RGS6: variants seen among roughly 807,000 people sequenced by gnomAD.
RGS6 encodes the protein regulator of G protein signaling 6, also known as regulator of G-protein signaling 6.
In RGS6, 30 loss-of-function variants were observed where a neutral mutation model predicts 78.5. The observed-to-expected ratio is 0.38, with a 90% CI of 0.29 to 0.52. The LOEUF (loss-of-function observed/expected upper bound fraction) is 0.52. Ranked by LOEUF, RGS6 falls within the 20% of genes least tolerant of loss-of-function variation. The pLI, the probability that RGS6 is intolerant of heterozygous loss-of-function variation, is 0.85. For synonymous variants in RGS6, 206 were observed against 206.0 expected (o/e 1.00, Z 0.00); for missense variants, 495 against 609.7 (o/e 0.81, Z 1.98).
intron 2 of RGS6, among the ~76,000 whole-genome samples, chr14:72,299,960 AT>A (rs2065708437): frequency 6.6e-6 from 1 of 150,998 alleles, no homozygotes; most frequent in Non-Finnish European, 1.5e-5. Context: ...TGGTTTTATC[AT>A]TTTTCTCTTT....
intron 14 of RGS6, among the ~76,000 whole-genome samples, chr14:72,512,944 G>C (rs1399228867): frequency 6.6e-6 from 1 of 152,214 alleles, no homozygotes; most frequent in Non-Finnish European, 1.5e-5. Context: ...TGTGGCTCAT[G>C]CCATGGAGGC....
At chr14:71,915,569 C>T in the RGS6 span, among the ~76,000 whole-genome samples, 1 of 152,168 alleles carries the variant, frequency 6.6e-6, no homozygotes, top group South Asian at 2.1e-4. Flanking sequence ...GCCTAGTGTC[C>T]ACTCCACTTT....
chr14:72,440,656 G>A (rs1004385970), intron 3 of RGS6, among the ~76,000 whole-genome samples: 3 of 152,016 alleles, frequency 2.0e-5, no homozygotes, highest in Non-Finnish European at 4.4e-5. Flanking sequence ...CAGGTGATCT[G>A]CCTGCCTCGG....
intron 17 of RGS6, among the ~76,000 whole-genome samples, chr14:72,548,635 C>T (rs982822672): frequency 1.3e-5 from 2 of 152,034 alleles, no homozygotes; most frequent in African/African-American, 4.8e-5. Flanking sequence ...CATCTAGAGA[C>T]AATTGAGAGA....
chr14:72,013,932 G>A (rs947264208), intron 2 of RGS6, among the ~76,000 whole-genome samples: 2 of 152,188 alleles, frequency 1.3e-5, no homozygotes, highest in Non-Finnish European at 2.9e-5. Flanking sequence ...TGTGTGCTCA[G>A]TCCTTATTGC....
intron 12 of RGS6, among the ~76,000 whole-genome samples, chr14:72,486,910 C>T (rs770126250): frequency 6.6e-5 from 10 of 152,108 alleles, no homozygotes; most frequent in South Asian, 4.2e-4. Context: ...AAGAGGAGAT[C>T]GCCTTCCCTC....
chr14:72,531,294 G>A (rs1403753016), intron 15 of RGS6, among the ~76,000 whole-genome samples: 4 of 152,136 alleles, frequency 2.6e-5, no homozygotes, highest in African/African-American at 4.8e-5. Flanking sequence ...TCAGCTGGGT[G>A]TGGTGGTGCA....
At chr14:72,185,802 G>A (rs988734025) in intron 2 of RGS6, among the ~76,000 whole-genome samples, 1 of 152,206 alleles carries the variant, frequency 6.6e-6, no homozygotes, top group South Asian at 2.1e-4. Flanking sequence ...AAAGCCAGGT[G>A]TGGTAGTGTG....
chr14:71,928,885 T>C (rs1022290040), upstream of RGS6, among the ~76,000 whole-genome samples: 1 of 152,228 alleles, frequency 6.6e-6, no homozygotes, highest in African/African-American at 2.4e-5. Context: ...CAGTCATGAA[T>C]TGATTCTTAA....
chr14:72,455,692 A>G (rs1156535182), intron 4 of RGS6, among the ~76,000 whole-genome samples: 2 of 152,226 alleles, frequency 1.3e-5, no homozygotes, highest in East Asian at 1.9e-4. Flanking sequence ...GGAAAAAACT[A>G]TAAATGCTAA....
chr14:71,996,606 C>T (rs764315314), intron 2 of RGS6, among the ~76,000 whole-genome samples: 2 of 152,090 alleles, frequency 1.3e-5, no homozygotes, highest in African/African-American at 4.8e-5. Context: ...TAAAATTGGG[C>T]GTTTTCAGGA....
At chr14:72,349,248 T>C (rs960065135) in intron 2 of RGS6, among the ~76,000 whole-genome samples, 1 of 152,222 alleles carries the variant, frequency 6.6e-6, no homozygotes, top group African/African-American at 2.4e-5. Context: ...TTGGCTGATC[T>C]AGCAATGGGT....
intron 2 of RGS6, among the ~76,000 whole-genome samples, chr14:72,330,824 C>T (rs1004650351): frequency 6.6e-6 from 1 of 152,088 alleles, no homozygotes; most frequent in Non-Finnish European, 1.5e-5. Flanking sequence ...TTGACTGACA[C>T]CTGCAGAGAT....
In RGS6 at chr14:71,997,685, G is replaced by A. The variant is rs61994771; in HGVS notation, c.84+32810G>A. ...AATATCAACATTTCGGGGGTGGGAG[G>A]CACTGTGCTGAGTCAGAGGCCTGGG... On this transcript the variant is annotated intron_variant, in intron 2 of 17. Coordinates refer to ENST00000553525, the MANE Select transcript of RGS6 (RefSeq NM_001204424.2). Among the ~76,000 whole-genome samples the A allele has an allele frequency of 1.9e-3, 284 of 152,248 alleles. 1 individual carries two copies. Among genetic ancestry groups the A allele is most frequent in the Non-Finnish European group, 3.5e-3 (240 of 68,022 alleles).
At chr14:71,883,479 A>G in the RGS6 span, among the ~76,000 whole-genome samples, 1 of 152,362 alleles carries the variant, frequency 6.6e-6, no homozygotes, top group African/African-American at 2.4e-5. Flanking sequence ...GTCCTTAGAC[A>G]ACCCTCAGTG....
chr14:71,964,474 C>G (rs974907766), intron 1 of RGS6, among the ~76,000 whole-genome samples: 2 of 152,104 alleles, frequency 1.3e-5, no homozygotes, highest in Admixed American at 6.5e-5. Context: ...TCATTGCACT[C>G]TAGCCTGGGC....
At chr14:71,937,064 A>G (rs1300889677) in intron 1 of RGS6, among the ~76,000 whole-genome samples, 1 of 152,160 alleles carries the variant, frequency 6.6e-6, no homozygotes, top group Non-Finnish European at 1.5e-5. Context: ...GAGATGCCCT[A>G]ATGGATTTCC....
At chr14:72,502,957 T>C (rs550322442) in intron 13 of RGS6, among the ~76,000 whole-genome samples, 2 of 152,324 alleles carry the variant, frequency 1.3e-5, no homozygotes, top group East Asian at 3.9e-4. Flanking sequence ...TTCTAATAAC[T>C]TGTCTTAGTC....
At chr14:72,073,345 T>C (rs1370505316) in intron 2 of RGS6, among the ~76,000 whole-genome samples, 1 of 152,246 alleles carries the variant, frequency 6.6e-6, no homozygotes, top group Admixed American at 6.5e-5. Context: ...TCCTGCAGCA[T>C]ATTTTTGGTC....
Sources: allele counts gnomAD v4.1 joint callset (sites outside exome capture counted in the v4.1 genomes callset), GRCh38; gene constraint gnomAD v4.1.1; transcripts MANE v1.5; gene names NCBI Gene and HGNC (gene_info 2026-07-23, HGNC 2026-07-21).